Variants in VGLL4 observed in about 807,000 individuals in gnomAD.
VGLL4 encodes the protein vestigial like family member 4.
Under a neutral mutation model 21.0 loss-of-function variants are expected in VGLL4, and 7 were observed. The observed-to-expected ratio is 0.33, with a 90% confidence interval of 0.19 to 0.63. The LOEUF (loss-of-function observed/expected upper bound fraction) is 0.63. Among genes scored for constraint, VGLL4 ranks in the 20% least tolerant of loss-of-function variants. VGLL4 has a pLI of 0.78. For synonymous variants in VGLL4, 222 were observed against 173.2 expected, an observed-to-expected ratio of 1.28 and a Z score of -2.21; for missense variants, 394 against 425.7, an observed-to-expected ratio of 0.93 and a Z score of 0.66.
At chr3:11,649,803 A>G (rs1445488757) in intron 2 of VGLL4, among the ~76,000 whole-genome samples, 1 of 152,176 alleles carries the variant, frequency 6.6e-6, no homozygotes, top group East Asian at 1.9e-4. Context: ...GTCAGTACCA[A>G]TTCCCCCAAA....
intron 2 of VGLL4, among the ~76,000 whole-genome samples, chr3:11,578,748 C>CTCTT (rs2074132271): frequency 9.6e-6 from 1 of 104,696 alleles, no homozygotes; most frequent in Non-Finnish European, 1.8e-5. Context: ...TGTATATTTT[C>CTCTT]TTTTTTTTTT....
At chr3:11,651,670 G>C (rs6442272) in intron 2 of VGLL4, among the ~76,000 whole-genome samples, 1 of 151,686 alleles carries the variant, frequency 6.6e-6, no homozygotes, top group Non-Finnish European at 1.5e-5. Context: ...AAGCTGCTGA[G>C]TTAAAGGAGA....
At chr3:11,635,068 A>C (rs1291372514) in intron 1 of VGLL4, among the ~76,000 whole-genome samples, 1 of 152,228 alleles carries the variant, frequency 6.6e-6, no homozygotes, top group South Asian at 2.1e-4. Flanking sequence ...AGACTAAAAA[A>C]GACTGAACTT....
chr3:11,713,566 A>ATT (rs1045428654), intron 1 of VGLL4, among the ~76,000 whole-genome samples: 23 of 63,388 alleles, frequency 3.6e-4, no homozygotes, highest in East Asian at 1.6e-3. Context: ...TATATATATT[A>ATT]TTTATATATA....
chr3:11,677,329 T>C (rs2076305912), intron 2 of VGLL4, among the ~76,000 whole-genome samples: 3 of 151,956 alleles, frequency 2.0e-5, no homozygotes, highest in Non-Finnish European at 1.5e-5. Flanking sequence ...TGGAGAGCAA[T>C]GGTGTGATCA....
chr3:11,592,466 G>A (rs59482217), intron 2 of VGLL4, among the ~76,000 whole-genome samples: 3,515 of 152,148 alleles, frequency 0.023, 142 homozygotes, highest in African/African-American at 0.08. Flanking sequence ...GGAGTGTGCC[G>A]AACTACTAAC....
chr3:11,643,587 T>C lies in VGLL4; in HGVS notation c.-69A>G, dbSNP rs1465461493. On this transcript the variant is annotated 5_prime_UTR_variant, in exon 1 of 5. Transcript: ENST00000430365. ...AAAGAGTTAAGTTTCAAAAATCAATTGTTGCTGAGTAGCTCCTGGCTCTTC... is the reference window on the plus strand; with the variant it reads ...AAAGAGTTAAGTTTCAAAAATCAATCGTTGCTGAGTAGCTCCTGGCTCTTC... 2.1e-5 allele frequency: 34 copies of C among 1,607,518 alleles called. 1 individual carries two copies. In the Admixed American group the frequency reaches 5.5e-4, roughly 26 times the overall value.
chr3:11,685,485 C>A (rs2076434042), intron 2 of VGLL4, among the ~76,000 whole-genome samples: 2 of 152,214 alleles, frequency 1.3e-5, no homozygotes, highest in Admixed American at 6.5e-5. Flanking sequence ...GTGTGAGCCA[C>A]CAGGCCTGGC....
chr3:11,669,966 T>G (rs942826695), intron 2 of VGLL4, among the ~76,000 whole-genome samples: 1 of 152,164 alleles, frequency 6.6e-6, no homozygotes, highest in Non-Finnish European at 1.5e-5. Flanking sequence ...AGAATATCAC[T>G]CTTTTCAATG....
chr3:11,647,773 G>A (rs1002213734), upstream of VGLL4, among the ~76,000 whole-genome samples: 26 of 151,934 alleles, frequency 1.7e-4, no homozygotes, highest in African/African-American at 4.8e-5. Context: ...GAAGCCTGGC[G>A]CATGGTAGGC....
intron 2 of VGLL4, among the ~76,000 whole-genome samples, chr3:11,567,394 C>T (rs984223458): frequency 2.0e-5 from 3 of 152,036 alleles, no homozygotes; most frequent in Admixed American, 2.0e-4. Context: ...TTTTCTTCCC[C>T]TTTATTTTCT....
rs140822367 is a variant in VGLL4, at chr3:11,709,278, A to G, written c.-13-6231T>C. On this transcript the variant is annotated intron_variant, in intron 1 of 5. Transcript: ENST00000273038. ...TAGAGAAACCCCGTCTCTTCTAAAA[A>G]TATAAGAAATTAGCCAGGCATGGTA... is the stretch of plus-strand genomic sequence containing the variant. 1.5e-4 allele frequency among the ~76,000 whole-genome samples: 22 copies of G among 151,530 alleles called. No individual in the cohort carries two copies. In the East Asian group the frequency reaches 4.0e-3, roughly 27 times the overall value.
At chr3:11,713,046 G>A in intron 1 of VGLL4, among the ~76,000 whole-genome samples, 1 of 152,142 alleles carries the variant, frequency 6.6e-6, no homozygotes, top group Non-Finnish European at 1.5e-5. Context: ...TGGGGCCACA[G>A]CCACAGAGGA....
At chr3:11,684,342 T>C (rs2076414957) in intron 2 of VGLL4, among the ~76,000 whole-genome samples, 2 of 152,202 alleles carry the variant, frequency 1.3e-5, no homozygotes, top group Admixed American at 1.3e-4. Context: ...GATGGAAATT[T>C]ATGCTAACAA....
At chr3:11,687,588 G>A (rs796836118) in intron 2 of VGLL4, among the ~76,000 whole-genome samples, 6 of 152,272 alleles carry the variant, frequency 3.9e-5, no homozygotes, top group African/African-American at 1.4e-4. Context: ...GGGATTACAG[G>A]TGTGAGGCAC....
intron 2 of VGLL4, among the ~76,000 whole-genome samples, chr3:11,591,770 C>T (rs900951439): frequency 3.0e-4 from 45 of 152,234 alleles, no homozygotes; most frequent in African/African-American, 1.1e-3. Flanking sequence ...CTGCTTCCAC[C>T]TCAGGAAGGC....
chr3:11,681,032 G>A (rs1043247081), intron 2 of VGLL4, among the ~76,000 whole-genome samples: 3 of 151,284 alleles, frequency 2.0e-5, no homozygotes, highest in Admixed American at 2.0e-4. Flanking sequence ...CCTCAGAAAC[G>A]TGCTAGTCCC....
chr3:11,697,190 T>A lies in VGLL4; in HGVS notation c.64+5781A>T, dbSNP rs560312281. Among the ~76,000 whole-genome samples the A allele has an allele frequency of 5.9e-5, 9 of 152,052 alleles. No homozygotes were observed. The South Asian group carries it at 6.2e-4, about 11-fold the overall frequency. On this transcript the variant is annotated intron_variant, in intron 2 of 5. Coordinates refer to the VGLL4 transcript ENST00000273038. ...ATCACAGCTCTCTGCAGCCTTTAAC[T>A]CCTGGGCTCAAGCCATCCTCCTGCC...
intron 1 of VGLL4, among the ~76,000 whole-genome samples, chr3:11,623,361 G>A (rs751899739): frequency 1.3e-5 from 2 of 152,144 alleles, no homozygotes; most frequent in Non-Finnish European, 2.9e-5. Context: ...TCCCACCAAT[G>A]GCAAAATCCA....
Sources: gnomAD v4.1 joint callset for allele counts (sites outside exome capture counted in the v4.1 genomes callset) on GRCh38, gnomAD v4.1.1 for gene constraint, MANE v1.5 for transcripts, NCBI Gene and HGNC (gene_info 2026-07-23, HGNC 2026-07-21) for gene names.